The following ARHGEF10 variants were observed in gnomAD, a reference collection of about 807,000 sequenced individuals.
ARHGEF10 encodes the protein Rho guanine nucleotide exchange factor (GEF) 10.
Under a neutral mutation model 147.4 loss-of-function variants are expected in ARHGEF10, and 140 were observed. The ratio of observed to expected loss-of-function variants is 0.95; its 90% CI spans 0.83 to 1.09. The LOEUF is 1.09. Ranked by LOEUF, ARHGEF10 falls within the 50% of genes least tolerant of loss-of-function variation. The pLI is 0.00. For synonymous variants in ARHGEF10, 902 were observed against 695.8 expected, an observed-to-expected ratio of 1.30 and a Z score of -4.67; for missense variants, 2,222 against 1,752.7, an observed-to-expected ratio of 1.27 and a Z score of -4.78.
At chr8:1,893,465 A>G (rs1321438352) in intron 11 of ARHGEF10, 104 bp from the exon 12 acceptor site, 1 of 800,318 alleles carries the variant, frequency 1.2e-6, no homozygotes, top group African/African-American at 1.7e-5. Flanking sequence ...CTGTTTTCTA[A>G]AAATAGAAAA....
chr8:1,858,875 TGG>T (rs1391741604), intron 3 of ARHGEF10: 70 of 171,684 alleles, frequency 4.1e-4, no homozygotes, highest in South Asian at 1.4e-3. Context: ...GGCATTTCTT[TGG>T]GTGCAGCACC....
intron 10 of ARHGEF10, among the ~76,000 whole-genome samples, chr8:1,883,822 T>C (rs1047520333): frequency 6.6e-6 from 1 of 151,694 alleles, no homozygotes. Context: ...CAGTGAGGAG[T>C]TGGGATTTGG....
intron 2 of ARHGEF10, among the ~76,000 whole-genome samples, chr8:1,848,981 G>A (rs536526883): frequency 3.9e-4 from 60 of 152,074 alleles, no homozygotes; most frequent in Middle Eastern, 6.8e-3. Flanking sequence ...TCTTAGTACC[G>A]TTTACCTATT....
At chr8:1,848,217 A>T (rs1045172195) in intron 2 of ARHGEF10, among the ~76,000 whole-genome samples, 4 of 152,266 alleles carry the variant, frequency 2.6e-5, no homozygotes, top group Non-Finnish European at 5.9e-5. Context: ...AAAAAGAGGT[A>T]CGCGGGGTCC....
At chr8:1,838,443 G>T (rs1165921796) in intron 1 of ARHGEF10, among the ~76,000 whole-genome samples, 1 of 152,230 alleles carries the variant, frequency 6.6e-6, no homozygotes, top group African/African-American at 2.4e-5. Context: ...CCCGGCACCC[G>T]CCCAGCCTGG....
chr8:1,841,651 A>T (rs35113952), intron 1 of ARHGEF10, among the ~76,000 whole-genome samples: 43,014 of 151,530 alleles, frequency 0.28, 6,348 homozygotes, highest in South Asian at 0.33. Flanking sequence ...GGGCCTGATG[A>T]TGTGAAAGGG....
chr8:1,903,368 T>C lies in ARHGEF10; in HGVS notation c.1738T>C (p.Leu580=). The change falls in exon 16 of 29, where the codon TTA becomes CTA. Residue 580 remains leucine, a synonymous_variant. Coordinates refer to ENST00000349830, the MANE Select transcript of ARHGEF10 (RefSeq NM_014629.4). Reference sequence around the variant, plus strand: ...AGAGCTCGAAACACTAGCAGAGAAGTTAAATGAAAGAAAGAGAGATGCTGA... The same window carrying C: ...AGAGCTCGAAACACTAGCAGAGAAGCTAAATGAAAGAAAGAGAGATGCTGA... ...LTELETLAEK[L]NERKRDADQR... 6.2e-7 allele frequency: 1 copy of C among 1,614,068 alleles called. No individual in the cohort carries two copies. Among genetic ancestry groups the C allele is most frequent in the Non-Finnish European group, 8.5e-7 (1 of 1,180,032 alleles).
intron 12 of ARHGEF10, among the ~76,000 whole-genome samples, chr8:1,893,928 C>T (rs966242406): frequency 6.6e-6 from 1 of 152,030 alleles, no homozygotes; most frequent in Non-Finnish European, 1.5e-5. Context: ...AATCCTAGCA[C>T]TTTGGGAGGC....
chr8:1,841,962 A>G (rs867579480), intron 1 of ARHGEF10, among the ~76,000 whole-genome samples: 508 of 31,530 alleles, frequency 0.016, 37 homozygotes, highest in African/African-American at 0.049. Context: ...TGGGGCCGCG[A>G]CCGGAACTGG....
At position 1,851,344 on chromosome 8, in the gene ARHGEF10, C is replaced by T. The variant is rs1308479967; in HGVS notation, c.38-6616C>T. 4.0e-5 allele frequency among the ~76,000 whole-genome samples: 6 copies of T among 150,784 alleles called. No homozygotes were observed. The East Asian group carries it at 1.2e-3, about 30-fold the overall frequency. On this transcript the variant is annotated intron_variant, in intron 2 of 28. Transcript: ENST00000349830. ...ACCAGGAGCGAGGCCTCACGCACAC[C>T]GTGGGCTTTAGTTAGTGACATACCT... is the stretch of plus-strand genomic sequence containing the variant.
At chr8:1,916,291 T>G (rs1005973801) in intron 18 of ARHGEF10, among the ~76,000 whole-genome samples, 2 of 152,228 alleles carry the variant, frequency 1.3e-5, no homozygotes, top group Non-Finnish European at 2.9e-5. Context: ...CACACGTGTG[T>G]CCTACTACAC....
At position 1,876,410 on chromosome 8, in the gene ARHGEF10, G is replaced by T. The variant is rs976113070; in HGVS notation, c.680-161G>T. ...CCGGGTGGTGGAGGCGCTGCACGGTGCCTTCCATGGAGCAAGCCCGGGGCT... is the reference window on the plus strand; with the variant it reads ...CCGGGTGGTGGAGGCGCTGCACGGTTCCTTCCATGGAGCAAGCCCGGGGCT... On this transcript the variant is annotated intron_variant, in intron 7 of 28. Coordinates refer to ENST00000349830, the MANE Select transcript of ARHGEF10 (RefSeq NM_014629.4). 7 of 740,770 alleles carry T rather than the reference G, an allele frequency of 9.4e-6. No individual in the cohort carries two copies. In the East Asian group the frequency reaches 1.9e-4, roughly 20 times the overall value. The allele number at this position is 740,770 out of a possible 1,614,324, so 45.9% of individuals were successfully genotyped here.
intron 12 of ARHGEF10, 85 bp from the exon 13 acceptor site, chr8:1,894,308 C>G (rs1423690950): frequency 6.9e-7 from 1 of 1,442,960 alleles, no homozygotes; most frequent in Non-Finnish European, 9.6e-7. Context: ...CATGATCGCA[C>G]CACTGCGCTG....
chr8:1,866,482 G>T (rs1255837883), intron 5 of ARHGEF10, 44 bp from the exon 6 acceptor site: 1 of 1,589,706 alleles, frequency 6.3e-7, no homozygotes, highest in South Asian at 1.1e-5. Flanking sequence ...TAGTGACTTG[G>T]GCTGTGCCTG....
rs1222007608 is a variant in ARHGEF10 at position 1,882,641 on chromosome 8, A to G, written c.967A>G (p.Lys323Glu). The change falls in exon 10 of 29, where the codon AAG becomes GAG. Residue 323 changes from lysine (K) to glutamate (E), a missense_variant. By Grantham distance (56) the Lys-to-Glu change is moderately conservative. Transcript: ENST00000349830. Reference sequence around the variant, plus strand: ...ATCTCCCTCTCCGTCGCAGATGCAGAAGCTCGTGAAGGCCGCGAAGGACGG... The same window carrying G: ...ATCTCCCTCTCCGTCGCAGATGCAGGAGCTCGTGAAGGCCGCGAAGGACGG... ...LRQKHELKMQ[K>E]LVKAAKDGTK... is the part of the protein sequence containing the mutation. 1.3e-6 allele frequency: 2 copies of G among 1,553,370 alleles called. No individual in the cohort carries two copies. Among genetic ancestry groups the G allele is most frequent in the Admixed American group, 2.0e-5 (1 of 51,214 alleles).
chr8:1,843,239 A>G (rs1439045964), intron 1 of ARHGEF10, 114 bp from the exon 2 acceptor site: 3 of 734,626 alleles, frequency 4.1e-6, no homozygotes, highest in Admixed American at 2.0e-5. Context: ...AATTATGGCT[A>G]GTAATGACAG....
intron 4 of ARHGEF10, among the ~76,000 whole-genome samples, chr8:1,860,706 G>C (rs1442470096): frequency 6.6e-6 from 1 of 152,152 alleles, no homozygotes; most frequent in Non-Finnish European, 1.5e-5. Flanking sequence ...ACTTCACCCC[G>C]ATCTCTGATT....
chr8:1,900,189 A>G (rs140914756), intron 15 of ARHGEF10, among the ~76,000 whole-genome samples: 10 of 152,136 alleles, frequency 6.6e-5, no homozygotes, highest in African/African-American at 2.4e-4. Flanking sequence ...GTAAGTAACT[A>G]TTTTTGCCTA....
chr8:1,893,902 G>A (rs538056280), intron 12 of ARHGEF10, among the ~76,000 whole-genome samples: 4 of 152,138 alleles, frequency 2.6e-5, no homozygotes, highest in African/African-American at 7.2e-5. Context: ...GGCCAGGCTC[G>A]GTGGCTCACC....
Sources: allele counts gnomAD v4.1 joint callset (sites outside exome capture counted in the v4.1 genomes callset), GRCh38; gene constraint gnomAD v4.1.1; transcripts MANE v1.5; gene names NCBI Gene and HGNC (gene_info 2026-07-23, HGNC 2026-07-21).